ANXA4: variants seen among roughly 807,000 people sequenced by gnomAD.
The protein encoded by ANXA4 is 35-beta calcimedin.
Under a neutral mutation model 49.8 loss-of-function variants are expected in ANXA4, and 39 were observed. The observed-to-expected ratio is 0.78, with a 90% confidence interval of 0.61 to 1.02. ANXA4 has a LOEUF of 1.02. Ranked by LOEUF, ANXA4 falls within the 50% of genes least tolerant of loss-of-function variation. ANXA4 has a pLI of 0.00. For missense variants in ANXA4, 360 were observed against 410.1 expected, an observed-to-expected ratio of 0.88 and a Z score of 1.05; for synonymous variants, 134 against 152.5, an observed-to-expected ratio of 0.88 and a Z score of 0.89.
chr2:69,722,309 G>A (rs779306519), intron 3 of ANXA4, among the ~76,000 whole-genome samples: 24 of 152,176 alleles, frequency 1.6e-4, no homozygotes, highest in Non-Finnish European at 3.1e-4. Flanking sequence ...TCAAACTCAC[G>A]CTTGCATGCC....
chr2:69,825,189 T>C (rs1347551943), intron 12 of ANXA4, among the ~76,000 whole-genome samples: 1 of 151,352 alleles, frequency 6.6e-6, no homozygotes, highest in Non-Finnish European at 1.5e-5. Context: ...GGTATCTAGA[T>C]ACATAGAAAA....
intron 2 of ANXA4, among the ~76,000 whole-genome samples, chr2:69,783,179 T>C (rs543864389): frequency 1.3e-5 from 2 of 152,270 alleles, no homozygotes; most frequent in East Asian, 1.9e-4. Context: ...TTATTTACTC[T>C]AGTGGTTATG....
At chr2:69,769,896 C>T (rs941434445) in intron 1 of ANXA4, among the ~76,000 whole-genome samples, 1 of 152,214 alleles carries the variant, frequency 6.6e-6, no homozygotes, top group Non-Finnish European at 1.5e-5. Context: ...CTCCTGACCT[C>T]AGGTGATCTG....
intron 1 of ANXA4, among the ~76,000 whole-genome samples, chr2:69,747,543 A>G (rs1670660540): frequency 6.6e-6 from 1 of 152,224 alleles, no homozygotes; most frequent in Non-Finnish European, 1.5e-5. Context: ...GACTGAAGCC[A>G]TGGATCCTTT....
intron 1 of ANXA4, among the ~76,000 whole-genome samples, chr2:69,652,146 G>A (rs1326410632): frequency 2.0e-5 from 3 of 152,060 alleles, no homozygotes; most frequent in East Asian, 1.9e-4. Flanking sequence ...CCAAGAAGCC[G>A]GGACTACAGG....
intron 2 of ANXA4, among the ~76,000 whole-genome samples, chr2:69,699,198 CAGT>C (rs1678255347): frequency 6.6e-6 from 1 of 152,140 alleles, no homozygotes; most frequent in African/African-American, 2.4e-5. Flanking sequence ...TAGAGCCACT[CAGT>C]AAACTGGTGG....
chr2:69,708,649 T>C (rs1020765523), intron 2 of ANXA4, among the ~76,000 whole-genome samples: 5 of 152,188 alleles, frequency 3.3e-5, no homozygotes, highest in African/African-American at 1.2e-4. Flanking sequence ...AGCAGGTCCC[T>C]GTTTCTGAGG....
At chr2:69,766,199 T>C (rs1671487644) in intron 1 of ANXA4, among the ~76,000 whole-genome samples, 1 of 152,224 alleles carries the variant, frequency 6.6e-6, no homozygotes, top group Non-Finnish European at 1.5e-5. Flanking sequence ...CAGATGTTTT[T>C]CATGTGGGTA....
chr2:69,690,308 G>A (rs1477746131), intron 2 of ANXA4, among the ~76,000 whole-genome samples: 4 of 151,980 alleles, frequency 2.6e-5, no homozygotes, highest in African/African-American at 7.2e-5. Context: ...GTGCTATCTC[G>A]ACTCACTGCA....
intron 3 of ANXA4, among the ~76,000 whole-genome samples, chr2:69,732,593 T>C (rs1489755591): frequency 6.6e-6 from 1 of 151,832 alleles, no homozygotes; most frequent in East Asian, 1.9e-4. Flanking sequence ...GCCCCGTCTC[T>C]ACTAAAAATA....
At chr2:69,693,647 G>A (rs1053894521) in intron 2 of ANXA4, among the ~76,000 whole-genome samples, 4 of 152,192 alleles carry the variant, frequency 2.6e-5, no homozygotes, top group African/African-American at 9.7e-5. Flanking sequence ...TGTGGGGACA[G>A]GAGAGGAAGG....
chr2:69,693,644 A>G (rs1678053931), intron 2 of ANXA4, among the ~76,000 whole-genome samples: 1 of 152,122 alleles, frequency 6.6e-6, no homozygotes, highest in African/African-American at 2.4e-5. Flanking sequence ...GTCTGTGGGG[A>G]CAGGAGAGGA....
chr2:69,757,264 ATATTTTT>A (rs1288975005), intron 1 of ANXA4, among the ~76,000 whole-genome samples: 308 of 27,970 alleles, frequency 0.011, no homozygotes, highest in East Asian at 0.066. Context: ...ATATATATAT[ATATTTTT>A]TTTTTTTTTT....
rs67143675 is a variant in ANXA4 at position 69,792,619 on chromosome 2, AC to A, written c.97+4479del. Among the ~76,000 whole-genome samples the A allele has an allele frequency of 2.5e-4, 38 of 151,324 alleles. No homozygotes were observed. The East Asian group carries it at 4.9e-3, about 19-fold the overall frequency. On this transcript the variant is annotated intron_variant, in intron 3 of 12. Coordinates refer to ENST00000394295, the MANE Select transcript of ANXA4 (RefSeq NM_001153.5). ...TGCAAGATTTTTACAGTTTTTTTTT[AC>A]AATTTGCTTAAACCTTCTACTTTAA...
intron 2 of ANXA4, among the ~76,000 whole-genome samples, chr2:69,712,063 C>T (rs532606214): frequency 5.3e-5 from 8 of 151,986 alleles, no homozygotes; most frequent in African/African-American, 1.2e-4. Context: ...CTCTCCTTTT[C>T]CTGGGGGGTC....
At chr2:69,820,353 A>G (rs942894387) in intron 11 of ANXA4, among the ~76,000 whole-genome samples, 9 of 151,986 alleles carry the variant, frequency 5.9e-5, no homozygotes, top group African/African-American at 2.2e-4. Context: ...AGAGGATTTC[A>G]TGTGGTGAAG....
intron 2 of ANXA4, among the ~76,000 whole-genome samples, chr2:69,655,592 A>C (rs1290569079): frequency 6.6e-6 from 1 of 152,226 alleles, no homozygotes; most frequent in South Asian, 2.1e-4. Flanking sequence ...AGTGTTAATT[A>C]GTTCTACCAT....
intron 2 of ANXA4, among the ~76,000 whole-genome samples, chr2:69,677,081 G>A (rs72837995): frequency 0.066 from 9,985 of 152,052 alleles, 420 homozygotes; most frequent in Non-Finnish European, 0.098. Context: ...TTCCCAAAGT[G>A]TTGGGATTAT....
intron 5 of ANXA4, 108 bp downstream of exon 5, chr2:69,806,606 C>T: frequency 1.2e-6 from 1 of 819,068 alleles, no homozygotes. Flanking sequence ...CCTAAACGCC[C>T]ATCAATGGTA....
Sources: allele counts gnomAD v4.1 joint callset (sites outside exome capture counted in the v4.1 genomes callset), GRCh38; gene constraint gnomAD v4.1.1; transcripts MANE v1.5; gene names NCBI Gene and HGNC (gene_info 2026-07-23, HGNC 2026-07-21).